The following GRIK2 variants were observed in gnomAD, a reference collection of about 807,000 sequenced individuals.
The protein encoded by GRIK2 is glutamate ionotropic receptor kainate type subunit 2, also known as glutamate receptor ionotropic, kainate 2.
GRIK2 carries 32 observed loss-of-function variants against 100.3 expected under a neutral mutation model. That is an observed-to-expected ratio of 0.32 (90% confidence interval 0.24 to 0.43). The LOEUF (loss-of-function observed/expected upper bound fraction) is 0.43. GRIK2 is among the 20% of genes least tolerant of loss of function. GRIK2 has a pLI of 1.00. For synonymous variants in GRIK2, 417 were observed against 389.4 expected, an observed-to-expected ratio of 1.07 and a Z score of -0.83; for missense variants, 843 against 1,114.9, an observed-to-expected ratio of 0.76 and a Z score of 3.47.
intron 7 of GRIK2, among the ~76,000 whole-genome samples, chr6:101,759,251 A>G (rs887581348): frequency 1.3e-5 from 2 of 152,196 alleles, no homozygotes; most frequent in Non-Finnish European, 2.9e-5. Flanking sequence ...AAACAGTTTG[A>G]ACATGCTATT....
intron 2 of GRIK2, among the ~76,000 whole-genome samples, chr6:101,408,016 G>A (rs914586571): frequency 2.6e-5 from 4 of 152,036 alleles, no homozygotes; most frequent in Admixed American, 2.0e-4. Flanking sequence ...AATGAGTGTT[G>A]GGACAGATAA....
intron 14 of GRIK2, among the ~76,000 whole-genome samples, chr6:101,932,736 A>T (rs1249896283): frequency 1.3e-5 from 2 of 151,874 alleles, no homozygotes; most frequent in Non-Finnish European, 2.9e-5. Flanking sequence ...TTGGCACTGA[A>T]CTTACATGTC....
chr6:102,060,062 C>A (rs1771670133), intron 16 of GRIK2, among the ~76,000 whole-genome samples: 1 of 150,520 alleles, frequency 6.6e-6, no homozygotes, highest in Admixed American at 6.7e-5. Flanking sequence ...GGTGTCCCAT[C>A]TTGAACACAC....
chr6:101,863,965 G>A (rs1263308867), intron 11 of GRIK2, among the ~76,000 whole-genome samples: 4 of 150,878 alleles, frequency 2.7e-5, no homozygotes, highest in South Asian at 2.1e-4. Context: ...GTGAAACCCC[G>A]TCTCTACTAA....
intron 14 of GRIK2, among the ~76,000 whole-genome samples, chr6:102,008,855 A>AAAAAT (rs1795376230): frequency 6.6e-6 from 1 of 152,026 alleles, no homozygotes; most frequent in African/African-American, 2.4e-5. Context: ...CAAGGAAAAA[A>AAAAAT]CTTCAAAATG....
rs533705434 is a variant in GRIK2 at position 101,786,848 on chromosome 6, A to T, written c.952-12800A>T. 1.1e-3 allele frequency among the ~76,000 whole-genome samples: 169 copies of T among 152,234 alleles called. 1 individual carries two copies. The highest frequency in any genetic ancestry group is 3.2e-3 in the African/African-American group (133 of 41,558). ...GACCTCATAAAATGAGTTAGGAAGA[A>T]TTATCTCCTCTTGCTTTTTAACAGG... On this transcript the variant is annotated intron_variant, in intron 7 of 16. Transcript: ENST00000369134.
At chr6:101,401,111 T>C (rs1353440773) in intron 2 of GRIK2, among the ~76,000 whole-genome samples, 2 of 152,182 alleles carry the variant, frequency 1.3e-5, no homozygotes, top group African/African-American at 2.4e-5. Context: ...CCTAATTATG[T>C]GGAATCCTGA....
At chr6:101,722,440 T>C (rs1232541912) in intron 7 of GRIK2, among the ~76,000 whole-genome samples, 1 of 152,106 alleles carries the variant, frequency 6.6e-6, no homozygotes, top group Non-Finnish European at 1.5e-5. Context: ...CATGATCTAA[T>C]TGTGTTTATA....
At chr6:101,710,964 A>G (rs1025950216) in intron 7 of GRIK2, among the ~76,000 whole-genome samples, 1 of 151,796 alleles carries the variant, frequency 6.6e-6, no homozygotes, top group Non-Finnish European at 1.5e-5. Flanking sequence ...TATCTGCAGT[A>G]TTAGTAGCAT....
At chr6:102,016,996 C>T (rs1271874300) in intron 14 of GRIK2, among the ~76,000 whole-genome samples, 1 of 152,028 alleles carries the variant, frequency 6.6e-6, no homozygotes, top group Non-Finnish European at 1.5e-5. Context: ...AAAAGAACTC[C>T]CAACCAAGAG....
rs537242397 is a variant in GRIK2, at chr6:101,763,041, G to A, written c.952-36607G>A. ...CTGTCTACAAGAGGCCACAGTGCCA[G>A]GACAAATCATGCTGGGCGTTCCTTG... On this transcript the variant is annotated intron_variant, in intron 7 of 16. Transcript: ENST00000369134. Among the ~76,000 whole-genome samples, 11 of 152,256 alleles carry A rather than the reference G, an allele frequency of 7.2e-5. No homozygotes were observed. The South Asian group carries it at 2.1e-3, about 29-fold the overall frequency.
At chr6:101,688,001 A>G (rs1771822577) in intron 7 of GRIK2, among the ~76,000 whole-genome samples, 2 of 149,096 alleles carry the variant, frequency 1.3e-5, no homozygotes. Context: ...TGATTTTTTA[A>G]TATTATAATG....
At chr6:102,031,776 C>G (rs1582755719) in intron 14 of GRIK2, among the ~76,000 whole-genome samples, 1 of 151,312 alleles carries the variant, frequency 6.6e-6, no homozygotes, top group African/African-American at 2.4e-5. Flanking sequence ...CAGCTGCATC[C>G]ATGTTGCTGT....
At chr6:101,678,369 G>T (rs1770994017) in intron 5 of GRIK2, among the ~76,000 whole-genome samples, 1 of 151,978 alleles carries the variant, frequency 6.6e-6, no homozygotes, top group African/African-American at 2.4e-5. Context: ...AGAAATAATA[G>T]AATATTTAAA....
chr6:101,595,541 C>T (rs1778876408), intron 2 of GRIK2, among the ~76,000 whole-genome samples: 1 of 151,278 alleles, frequency 6.6e-6, no homozygotes, highest in Non-Finnish European at 1.5e-5. Flanking sequence ...TTAGCATGGT[C>T]CTATGACTTT....
chr6:101,876,341 A>G (rs1785839195), intron 11 of GRIK2, among the ~76,000 whole-genome samples: 1 of 151,922 alleles, frequency 6.6e-6, no homozygotes, highest in African/African-American at 2.4e-5. Context: ...AATCTAAAAA[A>G]GAATCTGGAT....
At chr6:101,952,353 G>A (rs1582603382) in intron 14 of GRIK2, among the ~76,000 whole-genome samples, 1 of 152,022 alleles carries the variant, frequency 6.6e-6, no homozygotes, top group African/African-American at 2.4e-5. Context: ...GTTGTTTTGG[G>A]GTTTTGGCTA....
intron 10 of GRIK2, among the ~76,000 whole-genome samples, chr6:101,848,560 G>A (rs1252229836): frequency 2.6e-5 from 4 of 152,032 alleles, no homozygotes; most frequent in Non-Finnish European, 4.4e-5. Context: ...ATTTTAACAC[G>A]AGGTATTCCA....
At chr6:101,547,465 C>T (rs1207630124) in intron 2 of GRIK2, among the ~76,000 whole-genome samples, 1 of 152,104 alleles carries the variant, frequency 6.6e-6, no homozygotes, top group Non-Finnish European at 1.5e-5. Flanking sequence ...GCTATCCTTC[C>T]CCACTCCCCC....
Sources: gnomAD v4.1 joint callset for allele counts (sites outside exome capture counted in the v4.1 genomes callset) on GRCh38, gnomAD v4.1.1 for gene constraint, MANE v1.5 for transcripts, NCBI Gene and HGNC (gene_info 2026-07-23, HGNC 2026-07-21) for gene names.